The following CYRIB variants were observed in gnomAD, a reference collection of about 807,000 sequenced individuals.
The protein encoded by CYRIB is CYFIP related Rac1 interactor B.
Under a neutral mutation model 44.2 loss-of-function variants are expected in CYRIB, and 8 were observed. The observed-to-expected ratio is 0.18, with a 90% CI of 0.11 to 0.33. The LOEUF (loss-of-function observed/expected upper bound fraction) is 0.33. CYRIB is among the 10% of genes least tolerant of loss of function. The pLI is 1.00. For missense variants in CYRIB, 185 were observed against 382.8 expected, an observed-to-expected ratio of 0.48 and a Z score of 4.31; for synonymous variants, 131 against 127.2, an observed-to-expected ratio of 1.03 and a Z score of -0.20.
intron 2 of CYRIB, among the ~76,000 whole-genome samples, chr8:129,947,050 T>C (rs1435850677): frequency 1.4e-5 from 2 of 141,838 alleles, no homozygotes; most frequent in East Asian, 4.0e-4. Flanking sequence ...AAACTCTAAT[T>C]CTTTTATTTA....
chr8:129,906,894 A>T (rs975681826), intron 1 of CYRIB, among the ~76,000 whole-genome samples: 1 of 152,230 alleles, frequency 6.6e-6, no homozygotes, highest in African/African-American at 2.4e-5. Context: ...TCAAAACCAC[A>T]ATGAGATACC....
At chr8:129,871,604 T>A in intron 3 of CYRIB, 108 bp from the exon 6 acceptor site, 1 of 1,087,658 alleles carries the variant, frequency 9.2e-7, no homozygotes, top group Non-Finnish European at 1.3e-6. Flanking sequence ...GAGTTAATTC[T>A]AGTTAATGTT....
intron 1 of CYRIB, among the ~76,000 whole-genome samples, chr8:130,014,986 C>G (rs370817046): frequency 1.3e-5 from 2 of 152,340 alleles, no homozygotes; most frequent in African/African-American, 4.8e-5. Flanking sequence ...CGGTGGCAAT[C>G]AAAATGACGC....
intron 1 of CYRIB, among the ~76,000 whole-genome samples, chr8:129,985,225 G>A (rs1462170395): frequency 6.6e-6 from 1 of 152,200 alleles, no homozygotes; most frequent in African/African-American, 2.4e-5. Flanking sequence ...GTTGTGGTGA[G>A]GATTATTAGG....
At chr8:129,947,795 T>C (rs2094255039) in intron 2 of CYRIB, 1 of 152,222 alleles carries the variant, frequency 6.6e-6, no homozygotes, top group African/African-American at 2.4e-5. Context: ...ATTTACTGAA[T>C]TGTAATCTGC....
chr8:129,938,866 T>TACAC (rs143408219), intron 1 of CYRIB, among the ~76,000 whole-genome samples: 1 of 151,262 alleles, frequency 6.6e-6, no homozygotes, highest in African/African-American at 2.4e-5. Flanking sequence ...TTAAAACACA[T>TACAC]ACACACACAC....
intron 2 of CYRIB, among the ~76,000 whole-genome samples, chr8:129,897,435 C>T (rs930636440): frequency 1.3e-5 from 2 of 151,860 alleles, no homozygotes; most frequent in African/African-American, 4.8e-5. Context: ...CTTTGGCCTC[C>T]TAGAAATAAA....
intron 2 of CYRIB, among the ~76,000 whole-genome samples, chr8:129,882,669 G>T (rs2061219565): frequency 6.6e-6 from 1 of 152,050 alleles, no homozygotes. Flanking sequence ...GTCCAACCTT[G>T]GGGAAAATTT....
chr8:129,987,928 G>T (rs565715522), intron 1 of CYRIB, among the ~76,000 whole-genome samples: 3 of 152,152 alleles, frequency 2.0e-5, no homozygotes, highest in Non-Finnish European at 4.4e-5. Flanking sequence ...AGACTGGGAC[G>T]CAAGTCCCTT....
intron 2 of CYRIB, among the ~76,000 whole-genome samples, chr8:129,891,137 T>A (rs778972708): frequency 2.6e-5 from 4 of 152,176 alleles, no homozygotes; most frequent in Admixed American, 6.5e-5. Context: ...TCCAGGCCTA[T>A]GGGGTTCTTC....
intron 1 of CYRIB, among the ~76,000 whole-genome samples, chr8:129,922,225 C>T (rs2084040342): frequency 6.6e-6 from 1 of 152,142 alleles, no homozygotes; most frequent in South Asian, 2.1e-4. Flanking sequence ...CAACAAATTC[C>T]TTTTATGTCC....
At chr8:129,842,266 TC>T in intron 11 of CYRIB, 61 bp from the exon 14 acceptor site, 1 of 1,186,982 alleles carries the variant, frequency 8.4e-7, no homozygotes, top group East Asian at 2.4e-5. Context: ...AGCATCGGGT[TC>T]TCTAATTATG....
intron 11 of CYRIB, among the ~76,000 whole-genome samples, chr8:129,843,196 C>T (rs2037538639): frequency 6.6e-6 from 1 of 152,122 alleles, no homozygotes; most frequent in Admixed American, 6.5e-5. Flanking sequence ...CAAGAAGAGG[C>T]TACATACAGA....
chr8:129,849,213 T>C (rs1450437718), intron 10 of CYRIB, 30 bp downstream of exon 12: 1 of 1,551,606 alleles, frequency 6.4e-7, no homozygotes, highest in African/African-American at 1.4e-5. Flanking sequence ...GAAACTCGTT[T>C]GAAATTATTT....
upstream of CYRIB, chr8:129,939,959 C>G (rs1215713636): frequency 1.3e-5 from 2 of 152,260 alleles, no homozygotes; most frequent in Admixed American, 1.3e-4. Flanking sequence ...CATCCCCGCC[C>G]CTCCCGAAGG....
At chr8:129,846,448 A>T (rs1359883583) in intron 11 of CYRIB, among the ~76,000 whole-genome samples, 1 of 152,172 alleles carries the variant, frequency 6.6e-6, no homozygotes, top group Admixed American at 6.5e-5. Context: ...AGATTACATT[A>T]TTTCTTTTTA....
intron 1 of CYRIB, among the ~76,000 whole-genome samples, chr8:129,925,306 G>A (rs1187086069): frequency 2.0e-5 from 3 of 152,180 alleles, no homozygotes; most frequent in East Asian, 1.9e-4. Flanking sequence ...GCTGAGGCAC[G>A]AGAATTGCTT....
intron 1 of CYRIB, among the ~76,000 whole-genome samples, chr8:129,987,083 C>G (rs874579): frequency 0.5 from 76,088 of 152,056 alleles, 21,794 homozygotes; most frequent in African/African-American, 0.79. Context: ...TACCCTACAG[C>G]GTTGCTAACA....
intron 1 of CYRIB, among the ~76,000 whole-genome samples, chr8:129,905,856 T>C (rs2075059491): frequency 6.6e-6 from 1 of 152,204 alleles, no homozygotes; most frequent in South Asian, 2.1e-4. Flanking sequence ...TCATAAATAG[T>C]AAATATTAAT....
Sources: allele counts gnomAD v4.1 joint callset (sites outside exome capture counted in the v4.1 genomes callset), GRCh38; gene constraint gnomAD v4.1.1; transcripts MANE v1.5; gene names NCBI Gene and HGNC (gene_info 2026-07-23, HGNC 2026-07-21).